RPS6KC1: variants seen among roughly 807,000 people sequenced by gnomAD.
RPS6KC1 encodes inactive ribosomal protein S6 kinase delta-1.
RPS6KC1 carries 54 observed loss-of-function variants against 103.8 expected under a neutral mutation model. That is an observed-to-expected ratio of 0.52 (90% CI 0.42 to 0.65). The LOEUF is 0.65. Ranked by LOEUF, RPS6KC1 falls within the 30% of genes least tolerant of loss-of-function variation. The pLI is 0.00. For missense variants in RPS6KC1, 1,151 were observed against 1,253.8 expected, an observed-to-expected ratio of 0.92 and a Z score of 1.24; for synonymous variants, 439 against 438.7, an observed-to-expected ratio of 1.00 and a Z score of -0.01.
At chr1:213,531,809 TG>T in the RPS6KC1 span, among the ~76,000 whole-genome samples, 1 of 152,194 alleles carries the variant, frequency 6.6e-6, no homozygotes, top group Admixed American at 6.5e-5. Flanking sequence ...GTTTCCCAGC[TG>T]GGCACCTTTC....
chr1:213,209,602 G>A (rs2093444163), intron 8 of RPS6KC1, among the ~76,000 whole-genome samples: 1 of 146,182 alleles, frequency 6.8e-6, no homozygotes, highest in Non-Finnish European at 1.5e-5. Context: ...GGCTGAAGCA[G>A]GAGAATGGCT....
the RPS6KC1 span, chr1:213,821,094 G>A: frequency 1.3e-5 from 2 of 152,214 alleles, no homozygotes; most frequent in Non-Finnish European, 2.9e-5. Flanking sequence ...GGCAGACACG[G>A]GTCAGTCCTG....
chr1:213,817,910 A>G, the RPS6KC1 span: 2 of 152,222 alleles, frequency 1.3e-5, no homozygotes, highest in African/African-American at 4.8e-5. Context: ...ATTTCTCACA[A>G]TATCTGCGTA....
At chr1:213,304,180 TG>T in the RPS6KC1 span, among the ~76,000 whole-genome samples, 1 of 118,510 alleles carries the variant, frequency 8.4e-6, no homozygotes, top group Non-Finnish European at 1.6e-5. Context: ...CACTCCAGCC[TG>T]GGCGACAGAG....
chr1:213,440,860 CA>C, the RPS6KC1 span, among the ~76,000 whole-genome samples: 1 of 152,202 alleles, frequency 6.6e-6, no homozygotes, highest in Non-Finnish European at 1.5e-5. Context: ...AGTTAAGCCT[CA>C]TAGCCATTGT....
chr1:213,861,284 C>T, the RPS6KC1 span, among the ~76,000 whole-genome samples: 4 of 151,900 alleles, frequency 2.6e-5, no homozygotes, highest in Admixed American at 1.3e-4. Flanking sequence ...TCAACCTTAT[C>T]CCAGGAAGCT....
intron 8 of RPS6KC1, among the ~76,000 whole-genome samples, chr1:213,194,332 G>A (rs1165308495): frequency 5.3e-5 from 8 of 152,224 alleles, no homozygotes; most frequent in South Asian, 4.1e-4. Context: ...AGTTTAGGAC[G>A]TACTTCTGCC....
At chr1:213,103,380 A>G (rs968177149) in intron 3 of RPS6KC1, among the ~76,000 whole-genome samples, 5 of 152,196 alleles carry the variant, frequency 3.3e-5, no homozygotes, top group Admixed American at 6.5e-5. Context: ...AGTGCTTACT[A>G]TGTGCCTCGC....
the RPS6KC1 span, among the ~76,000 whole-genome samples, chr1:213,725,590 G>A: frequency 1.3e-5 from 2 of 152,100 alleles, no homozygotes; most frequent in Admixed American, 1.3e-4. Context: ...CCCTTTACTC[G>A]TTGGTTTCAA....
chr1:213,566,782 A>G, the RPS6KC1 span, among the ~76,000 whole-genome samples: 2 of 151,288 alleles, frequency 1.3e-5, no homozygotes, highest in Non-Finnish European at 2.9e-5. Flanking sequence ...TTCTCAATAT[A>G]ATTGTCATTT....
the RPS6KC1 span, among the ~76,000 whole-genome samples, chr1:213,401,865 C>T: frequency 3.9e-5 from 6 of 152,148 alleles, no homozygotes; most frequent in Admixed American, 2.0e-4. Context: ...TAATTCATTG[C>T]AGCCTCTATC....
intron 1 of RPS6KC1, among the ~76,000 whole-genome samples, chr1:213,062,589 G>A (rs990303413): frequency 4.0e-5 from 6 of 150,778 alleles, no homozygotes; most frequent in Admixed American, 2.0e-4. Flanking sequence ...GCGGAGTCTC[G>A]CTCTGTCACC....
At chr1:213,051,633 AC>A in intron 1 of RPS6KC1, 124 bp downstream of exon 1, 1 of 662,430 alleles carries the variant, frequency 1.5e-6, no homozygotes, top group South Asian at 1.9e-5. Context: ...TGCTGCTCCT[AC>A]TGGCGGGACT....
chr1:213,665,484 A>G, the RPS6KC1 span, among the ~76,000 whole-genome samples: 1 of 152,088 alleles, frequency 6.6e-6, no homozygotes, highest in Non-Finnish European at 1.5e-5. Flanking sequence ...AAATTAAAAC[A>G]ACAATAAGCA....
chr1:213,410,312 G>A, the RPS6KC1 span, among the ~76,000 whole-genome samples: 1 of 152,130 alleles, frequency 6.6e-6, no homozygotes, highest in East Asian at 1.9e-4. Flanking sequence ...GAGCCCAGGT[G>A]GAAGGGTCTG....
At chr1:213,521,121 A>G in the RPS6KC1 span, among the ~76,000 whole-genome samples, 203 of 152,314 alleles carry the variant, frequency 1.3e-3, 1 homozygote, top group African/African-American at 4.6e-3. Flanking sequence ...ATATTAGTGC[A>G]TGTAAGTCTA....
chr1:213,332,354 A>G, the RPS6KC1 span, among the ~76,000 whole-genome samples: 1 of 152,206 alleles, frequency 6.6e-6, no homozygotes, highest in Non-Finnish European at 1.5e-5. Flanking sequence ...CTTTTAAAAT[A>G]CCTTTTCTGC....
At chr1:213,214,319 AGGCTGGG>A (rs2093600705) in intron 8 of RPS6KC1, among the ~76,000 whole-genome samples, 1 of 152,254 alleles carries the variant, frequency 6.6e-6, no homozygotes, top group Non-Finnish European at 1.5e-5. Flanking sequence ...GGCGGCAGCG[AGGCTGGG>A]GAAGGGGTGC....
At chr1:213,126,127 A>G (rs532450876) in intron 5 of RPS6KC1, among the ~76,000 whole-genome samples, 10 of 152,106 alleles carry the variant, frequency 6.6e-5, no homozygotes, top group Middle Eastern at 3.2e-3. Context: ...ATCAGTTTCA[A>G]TGGGCTAGAT....
Sources: allele counts gnomAD v4.1 joint callset (sites outside exome capture counted in the v4.1 genomes callset), GRCh38; gene constraint gnomAD v4.1.1; transcripts MANE v1.5; gene names NCBI Gene and HGNC (gene_info 2026-07-23, HGNC 2026-07-21).